The following FAT1 variants were observed in gnomAD, a reference collection of about 807,000 sequenced individuals.
FAT1 encodes protocadherin Fat 1.
Under a neutral mutation model 329.8 loss-of-function variants are expected in FAT1, and 171 were observed. That is an observed-to-expected ratio of 0.52 (90% confidence interval 0.46 to 0.59). The LOEUF (loss-of-function observed/expected upper bound fraction) is 0.59, where lower values mean the gene tolerates loss of function less well. FAT1 is among the 20% of genes least tolerant of loss of function. FAT1 has a pLI of 0.00. For synonymous variants in FAT1, 2,233 were observed against 2,228.6 expected, an observed-to-expected ratio of 1.00 and a Z score of -0.06; for missense variants, 5,672 against 5,774.4, an observed-to-expected ratio of 0.98 and a Z score of 0.57.
chr4:186,590,565 C>T, intron 26 of FAT1: 1 of 463,884 alleles, frequency 2.2e-6, no homozygotes, highest in Non-Finnish European at 4.3e-6. Context: ...TTCCAAATGG[C>T]TGAGAAATGT....
intron 3 of FAT1, among the ~76,000 whole-genome samples, chr4:186,659,064 T>G (rs1742046002): frequency 6.6e-6 from 1 of 152,234 alleles, no homozygotes; most frequent in Non-Finnish European, 1.5e-5. Context: ...GAAAGATTAA[T>G]ACCACATTTT....
chr4:186,615,049 G>C (rs910943795), intron 11 of FAT1, among the ~76,000 whole-genome samples: 1 of 151,974 alleles, frequency 6.6e-6, no homozygotes, highest in Non-Finnish European at 1.5e-5. Context: ...TCAACTACCA[G>C]TGAAGTACTC....
At chr4:186,681,404 A>G (rs1286818900) in intron 2 of FAT1, among the ~76,000 whole-genome samples, 1 of 152,214 alleles carries the variant, frequency 6.6e-6, no homozygotes, top group Non-Finnish European at 1.5e-5. Flanking sequence ...AAGAGGTATG[A>G]CACCTTAATC....
intron 2 of FAT1, among the ~76,000 whole-genome samples, chr4:186,680,693 C>T (rs966178335): frequency 1.4e-4 from 21 of 152,118 alleles, no homozygotes; most frequent in Admixed American, 9.8e-4. Flanking sequence ...TCATCTAGTG[C>T]AACCCTCTAA....
intron 2 of FAT1, among the ~76,000 whole-genome samples, chr4:186,675,811 ACACACACACACAC>A (rs1742927625): frequency 3.3e-5 from 5 of 151,554 alleles, no homozygotes; most frequent in Admixed American, 3.3e-4. Flanking sequence ...ACACACACAC[ACACACACACACAC>A]AATTAATTTT....
chr4:186,645,961 A>AT (rs1560963070), intron 3 of FAT1, among the ~76,000 whole-genome samples: 4 of 108,162 alleles, frequency 3.7e-5, no homozygotes, highest in African/African-American at 1.6e-4. Context: ...AAAAAAAAAA[A>AT]AATATATACA....
At chr4:186,679,490 G>A (rs1474192183) in intron 2 of FAT1, among the ~76,000 whole-genome samples, 1 of 151,176 alleles carries the variant, frequency 6.6e-6, no homozygotes, top group East Asian at 1.9e-4. Context: ...AGCATGTTCT[G>A]AGAGTCTAAT....
intron 2 of FAT1, among the ~76,000 whole-genome samples, chr4:186,687,412 G>A (rs1743524641): frequency 1.3e-5 from 2 of 152,048 alleles, no homozygotes; most frequent in African/African-American, 4.8e-5. Context: ...AAAAAGAACA[G>A]CTTTTAAAAA....
chr4:186,613,047 T>C (rs1739525781), intron 13 of FAT1, 62 bp downstream of exon 13: 2 of 1,184,460 alleles, frequency 1.7e-6, no homozygotes, highest in African/African-American at 3.0e-5. Context: ...GGGTGTGTTT[T>C]GAAACAGAGG....
In FAT1 at chr4:186,628,132, C is replaced by T. The variant is rs755086461; in HGVS notation, c.4810+22G>A. Reference sequence around the variant, plus strand: ...TTTTAACAACTGCAAATTTAAAATGCCACTGAAGGCTCCAAAAGTACCTGA... The same window carrying T: ...TTTTAACAACTGCAAATTTAAAATGTCACTGAAGGCTCCAAAAGTACCTGA... On this transcript the variant is annotated intron_variant, in intron 9 of 26. Transcript: ENST00000441802. 1.3e-5 allele frequency: 21 copies of T among 1,608,414 alleles called. 1 individual carries two copies. The South Asian group carries it at 2.3e-4, about 18-fold the overall frequency.
chr4:186,597,643 G>GA, intron 24 of FAT1, 39 bp downstream of exon 24: 10 of 1,465,252 alleles, frequency 6.8e-6, no homozygotes, highest in Non-Finnish European at 8.6e-6. Flanking sequence ...ATGACGCTAT[G>GA]AAAAGGTATG....
chr4:186,622,049 C>T (rs747695152), intron 9 of FAT1, among the ~76,000 whole-genome samples: 31 of 152,190 alleles, frequency 2.0e-4, no homozygotes, highest in Non-Finnish European at 3.4e-4. Flanking sequence ...CTCCCTCTCT[C>T]GGCTGCACTG....
intron 1 of FAT1, 131 bp from the exon 2 acceptor site, chr4:186,709,976 G>T: frequency 1.2e-6 from 1 of 828,554 alleles, no homozygotes; most frequent in Non-Finnish European, 1.8e-6. Flanking sequence ...AACGGTTTGG[G>T]ATGTTTTTCA....
At chr4:186,677,338 T>C (rs909569981) in intron 2 of FAT1, among the ~76,000 whole-genome samples, 1 of 152,210 alleles carries the variant, frequency 6.6e-6, no homozygotes, top group Non-Finnish European at 1.5e-5. Context: ...TGTCCTTTTA[T>C]GCTAACGCTT....
intron 7 of FAT1, among the ~76,000 whole-genome samples, chr4:186,629,113 C>T (rs1178912458): frequency 2.0e-5 from 3 of 152,106 alleles, no homozygotes; most frequent in Non-Finnish European, 2.9e-5. Flanking sequence ...TAACAATTTA[C>T]CAGGATTTAT....
chr4:186,637,819 T>C (rs1009094131), intron 4 of FAT1, among the ~76,000 whole-genome samples: 3 of 152,266 alleles, frequency 2.0e-5, no homozygotes, highest in African/African-American at 7.2e-5. Context: ...CTGGCAGTTG[T>C]AAACCCTGTT....
chr4:186,681,958 G>A (rs781540169), intron 2 of FAT1, among the ~76,000 whole-genome samples: 6 of 152,130 alleles, frequency 3.9e-5, no homozygotes, highest in Non-Finnish European at 8.8e-5. Flanking sequence ...AACTGGTTAC[G>A]GATCTATAAG....
At chr4:186,628,847 T>A in intron 7 of FAT1, 84 bp from the exon 8 acceptor site, 1 of 1,346,218 alleles carries the variant, frequency 7.4e-7, no homozygotes, top group South Asian at 1.4e-5. Flanking sequence ...GAAAGTCATG[T>A]ATATTGAAAC....
chr4:186,594,676 GTA>G (rs60074549), intron 26 of FAT1, among the ~76,000 whole-genome samples: 6,612 of 128,218 alleles, frequency 0.052, 326 homozygotes, highest in African/African-American at 0.14. Context: ...ATACTTGAAA[GTA>G]TATATATATA....
Sources: gnomAD v4.1 joint callset for allele counts (sites outside exome capture counted in the v4.1 genomes callset) on GRCh38, gnomAD v4.1.1 for gene constraint, MANE v1.5 for transcripts, NCBI Gene and HGNC (gene_info 2026-07-23, HGNC 2026-07-21) for gene names.